The following OTUD7A variants were observed in gnomAD, a reference collection of about 807,000 sequenced individuals.
OTUD7A encodes OTU domain-containing protein 7A.
Under a neutral mutation model 65.7 loss-of-function variants are expected in OTUD7A, and 12 were observed. The observed-to-expected ratio is 0.18, with a 90% confidence interval of 0.12 to 0.30. The LOEUF (loss-of-function observed/expected upper bound fraction) is 0.30, where lower values mean the gene tolerates loss of function less well. Among genes scored for constraint, OTUD7A ranks in the 10% least tolerant of loss-of-function variants. OTUD7A has a pLI of 1.00. For missense variants in OTUD7A, 1,148 were observed against 1,304.8 expected, an observed-to-expected ratio of 0.88 and a Z score of 1.85; for synonymous variants, 641 against 586.3, an observed-to-expected ratio of 1.09 and a Z score of -1.35.
At chr15:31,640,251 A>T (rs1340377089) in intron 3 of OTUD7A, among the ~76,000 whole-genome samples, 1 of 152,168 alleles carries the variant, frequency 6.6e-6, no homozygotes, top group Non-Finnish European at 1.5e-5. Context: ...CAGAAGAATG[A>T]CACAATGGAC....
chr15:31,721,569 G>T (rs1893741857), intron 1 of OTUD7A, among the ~76,000 whole-genome samples: 1 of 152,072 alleles, frequency 6.6e-6, no homozygotes, highest in African/African-American at 2.4e-5. Flanking sequence ...TTTAAAGAAT[G>T]AGTTGAAAAT....
chr15:31,869,952 T>C (rs1041064590), intron 1 of OTUD7A, among the ~76,000 whole-genome samples: 1 of 152,102 alleles, frequency 6.6e-6, no homozygotes, highest in African/African-American at 2.4e-5. Flanking sequence ...ATGGTTTGCC[T>C]GCTGTCCAGC....
intron 1 of OTUD7A, among the ~76,000 whole-genome samples, chr15:31,702,268 G>A (rs1264596097): frequency 1.6e-3 from 190 of 117,026 alleles, no homozygotes; most frequent in Non-Finnish European, 2.5e-3. Flanking sequence ...GGATATTCTT[G>A]CCAGTGCAAT....
intron 1 of OTUD7A, among the ~76,000 whole-genome samples, chr15:31,828,942 C>T (rs889791731): frequency 2.0e-5 from 3 of 152,138 alleles, no homozygotes; most frequent in African/African-American, 7.2e-5. Flanking sequence ...TCTGAGTGTC[C>T]ATGCATTGAA....
At chr15:31,619,985 G>T (rs1343613307) in intron 3 of OTUD7A, among the ~76,000 whole-genome samples, 1 of 152,176 alleles carries the variant, frequency 6.6e-6, no homozygotes, top group Non-Finnish European at 1.5e-5. Context: ...AAGGGTTGTT[G>T]AATTTTGTCA....
At chr15:31,569,411 G>A (rs1260096548) in intron 4 of OTUD7A, among the ~76,000 whole-genome samples, 6 of 152,232 alleles carry the variant, frequency 3.9e-5, no homozygotes, top group Non-Finnish European at 2.9e-5. Flanking sequence ...AGTGAAACAA[G>A]CACTTTGCAG....
At chr15:31,829,641 G>C (rs1455713282) in intron 1 of OTUD7A, among the ~76,000 whole-genome samples, 2 of 152,162 alleles carry the variant, frequency 1.3e-5, no homozygotes, top group African/African-American at 4.8e-5. Flanking sequence ...CCAGCCTCAG[G>C]GTGGCCATTC....
At chr15:31,702,627 C>T (rs1266492248) in intron 1 of OTUD7A, among the ~76,000 whole-genome samples, 2 of 151,826 alleles carry the variant, frequency 1.3e-5, no homozygotes, top group Admixed American at 6.6e-5. Flanking sequence ...TAGAAACATA[C>T]TGTGTCCACA....
chr15:31,494,048 A>G (rs564882372), intron 10 of OTUD7A, among the ~76,000 whole-genome samples: 1 of 152,358 alleles, frequency 6.6e-6, no homozygotes, highest in South Asian at 2.1e-4. Flanking sequence ...TCGGGCCCCT[A>G]GGCTGGGGCA....
At chr15:31,856,113 T>C (rs1490928604) in intron 1 of OTUD7A, among the ~76,000 whole-genome samples, 2 of 152,242 alleles carry the variant, frequency 1.3e-5, no homozygotes, top group Non-Finnish European at 2.9e-5. Context: ...TAACTTAAAT[T>C]CAGCAAGTCT....
chr15:31,639,325 T>C (rs1006975702), intron 3 of OTUD7A, among the ~76,000 whole-genome samples: 2 of 151,214 alleles, frequency 1.3e-5, no homozygotes, highest in African/African-American at 4.9e-5. Context: ...ATCTCTGTTG[T>C]TGCACGTTAT....
chr15:31,793,037 A>G (rs1895860155), intron 1 of OTUD7A, among the ~76,000 whole-genome samples: 1 of 152,210 alleles, frequency 6.6e-6, no homozygotes, highest in African/African-American at 2.4e-5. Context: ...GTGTGGGCAC[A>G]GGAAATGAGC....
chr15:31,744,556 T>C (rs1595740947), intron 1 of OTUD7A, among the ~76,000 whole-genome samples: 1 of 152,134 alleles, frequency 6.6e-6, no homozygotes, highest in African/African-American at 2.4e-5. Flanking sequence ...AAAGAATTCC[T>C]CCTGCAATAC....
At chr15:31,596,978 G>A (rs533792894) in intron 3 of OTUD7A, among the ~76,000 whole-genome samples, 20 of 152,264 alleles carry the variant, frequency 1.3e-4, no homozygotes, top group Admixed American at 1.2e-3. Context: ...AGGCTGGAGT[G>A]CAGTGGCATG....
chr15:31,768,616 G>A (rs1388670684), intron 1 of OTUD7A, among the ~76,000 whole-genome samples: 2 of 151,696 alleles, frequency 1.3e-5, no homozygotes, highest in Non-Finnish European at 2.9e-5. Flanking sequence ...CCGAGATCGT[G>A]CCACTGCACT....
intron 1 of OTUD7A, among the ~76,000 whole-genome samples, chr15:31,831,811 G>T (rs1055378416): frequency 6.6e-6 from 1 of 152,260 alleles, no homozygotes; most frequent in Non-Finnish European, 1.5e-5. Context: ...TGACGAAAAG[G>T]AGCAGGACAC....
intron 1 of OTUD7A, among the ~76,000 whole-genome samples, chr15:31,847,851 C>T (rs1897325242): frequency 6.6e-6 from 1 of 152,156 alleles, no homozygotes; most frequent in African/African-American, 2.4e-5. Flanking sequence ...GCAAGCGCGT[C>T]TTACCACATT....
Position 31,559,097 on chromosome 15 carries a change from T to G in OTUD7A, c.422A>C (p.Gln141Pro), listed in dbSNP as rs1888595808. The change falls in exon 5 of 13, where the codon CAG (glutamine) becomes CCG (proline). Residue 141 changes from glutamine (Q) to proline (P), a missense_variant. By Grantham distance (76) the Gln-to-Pro change is moderately conservative. Coordinates refer to ENST00000307050, the MANE Select transcript of OTUD7A (RefSeq NM_001382637.1). ...GTAGATTGGCATCTCCAGGGGGAAC[T>G]GCTCGTTGTTGCATTCACTTGCCAC... ...SHVASECNNE[Q>P]FPLEMPIYTF... is the part of the protein sequence containing the mutation. 1 of 1,614,148 alleles carries G rather than the reference T, an allele frequency of 6.2e-7. No homozygotes were observed. Among genetic ancestry groups the G allele is most frequent in the African/African-American group, 1.3e-5 (1 of 75,020 alleles).
At chr15:31,613,130 T>C (rs1474211753) in intron 3 of OTUD7A, among the ~76,000 whole-genome samples, 1 of 152,140 alleles carries the variant, frequency 6.6e-6, no homozygotes, top group Non-Finnish European at 1.5e-5. Context: ...CTCTCACCTT[T>C]TACAAAAATC....
Sources: gnomAD v4.1 joint callset for allele counts (sites outside exome capture counted in the v4.1 genomes callset) on GRCh38, gnomAD v4.1.1 for gene constraint, MANE v1.5 for transcripts, NCBI Gene and HGNC (gene_info 2026-07-23, HGNC 2026-07-21) for gene names.